Variants in PALD1 observed in about 807,000 individuals in gnomAD.
The protein encoded by PALD1 is phosphatase domain containing paladin 1.
In PALD1, 57 loss-of-function variants were observed where a neutral mutation model predicts 96.0. The observed-to-expected ratio is 0.59, with a 90% CI of 0.48 to 0.74. PALD1 has a LOEUF of 0.74. Among genes scored for constraint, PALD1 ranks in the 30% least tolerant of loss-of-function variants. PALD1 has a pLI of 0.00. For missense variants in PALD1, 1,063 were observed against 1,143.7 expected, an observed-to-expected ratio of 0.93 and a Z score of 1.02; for synonymous variants, 464 against 473.6, an observed-to-expected ratio of 0.98 and a Z score of 0.26.
chr10:70,538,759 G>A (rs1847167436), intron 12 of PALD1, 133 bp from the exon 13 acceptor site: 5 of 745,630 alleles, frequency 6.7e-6, no homozygotes, highest in Non-Finnish European at 1.2e-5. Context: ...GAAGCTCCAA[G>A]TGTGCAGGAG....
At chr10:70,482,764 C>A (rs574702637) in intron 1 of PALD1, among the ~76,000 whole-genome samples, 50 of 152,270 alleles carry the variant, frequency 3.3e-4, no homozygotes, top group African/African-American at 9.9e-4. Context: ...CCTCAAGTCC[C>A]TTGTGTAACA....
rs1231693841 is a variant in PALD1, at chr10:70,529,996, G to A, written c.396G>A (p.Val132=). Residue 132 remains valine, a synonymous_variant, in exon 4 of 20, where the codon GTG becomes GTA. Coordinates refer to ENST00000263563, the MANE Select transcript of PALD1 (RefSeq NM_014431.3). The part of the protein sequence containing the change: ...NFRQVQGGLT[V]FGMGQPSLSG... ...GGCAGGTGCAGGGTGGGCTCACTGT[G>A]TTCGGCATGGGACAGCCCAGCCTCT... The A allele has an allele frequency of 3.1e-6, 5 of 1,606,624 alleles. No homozygotes were observed. Among genetic ancestry groups the A allele is most frequent in the Non-Finnish European group, 3.4e-6 (4 of 1,176,762 alleles).
chr10:70,507,269 G>A lies in PALD1; in HGVS notation c.-29-18654G>A, dbSNP rs1044479921. Among the ~76,000 whole-genome samples, 10 of 150,190 alleles carry A rather than the reference G, an allele frequency of 6.7e-5. No homozygotes were observed. In the East Asian group the frequency reaches 7.8e-4, roughly 12 times the overall value. On this transcript the variant is annotated intron_variant, in intron 1 of 19. Transcript: ENST00000263563. ...ATACAAAAAAAAAAAAAAATTAGCCGGGCATGGTGGCGGGTGCCTATAATC... is the reference window on the plus strand; with the variant it reads ...ATACAAAAAAAAAAAAAAATTAGCCAGGCATGGTGGCGGGTGCCTATAATC...
chr10:70,534,525 G>C lies in PALD1; in HGVS notation c.1122+1G>C. ...CCAGGGAAGGAGGATGGTGGAAGAG[G>C]TGAGTGAGGGACAGCAAAGGGCTGG... is the stretch of plus-strand genomic sequence containing the variant. On this transcript the variant is annotated splice_donor_variant, in intron 9 of 19. Transcript: ENST00000263563. LOFTEE classifies it high-confidence loss of function. The C allele has an allele frequency of 6.2e-7, 1 of 1,605,670 alleles. No homozygotes were observed.
intron 10 of PALD1, among the ~76,000 whole-genome samples, chr10:70,535,071 T>A (rs1434562414): frequency 1.3e-5 from 2 of 152,184 alleles, no homozygotes; most frequent in Non-Finnish European, 2.9e-5. Context: ...AGCTGCAGAA[T>A]AAACAGGACA....
chr10:70,486,722 C>T (rs560343143), intron 1 of PALD1, among the ~76,000 whole-genome samples: 134 of 152,270 alleles, frequency 8.8e-4, no homozygotes, highest in Non-Finnish European at 1.6e-3. Flanking sequence ...GGTTGCGCCA[C>T]TGCACCCCAG....
intron 1 of PALD1, among the ~76,000 whole-genome samples, chr10:70,518,123 G>A (rs560368620): frequency 2.0e-5 from 3 of 152,082 alleles, no homozygotes; most frequent in African/African-American, 4.8e-5. Flanking sequence ...GGCTGGTCTC[G>A]AACTCCCAAC....
At position 70,565,728 on chromosome 10, in the gene PALD1, C is replaced by T. The variant is rs769403907; in HGVS notation, c.2419-853C>T. ...TGATGGGGTCACACCAAGGCCATGTCGGGGTGCCTTCTTGAGCAGGCCTGG... is the reference window on the plus strand; with the variant it reads ...TGATGGGGTCACACCAAGGCCATGTTGGGGTGCCTTCTTGAGCAGGCCTGG... On this transcript the variant is annotated intron_variant, in intron 19 of 19. Transcript: ENST00000263563. 5.3e-5 allele frequency among the ~76,000 whole-genome samples: 8 copies of T among 152,136 alleles called. No homozygotes were observed. In the East Asian group the frequency reaches 7.7e-4, roughly 15 times the overall value.
Position 70,478,890 on chromosome 10 carries a change from C to G in PALD1, c.-199C>G, listed in dbSNP as rs1273557665. On this transcript the variant is annotated 5_prime_UTR_variant, in exon 1 of 20. Coordinates refer to ENST00000263563, the MANE Select transcript of PALD1 (RefSeq NM_014431.3). ...TCGCCGGGTCCGCCTGGCCTGCCCACCTCCGGAGCCACCTCTGCCCCCGCA... is the reference window on the plus strand; with the variant it reads ...TCGCCGGGTCCGCCTGGCCTGCCCAGCTCCGGAGCCACCTCTGCCCCCGCA... 1 of 152,108 alleles carries G rather than the reference C, an allele frequency of 6.6e-6. No individual in the cohort carries two copies. The highest frequency in any genetic ancestry group is 1.9e-4 in the East Asian group (1 of 5,154). The allele number at this position is 152,108 out of a possible 1,614,324, so 9.4% of individuals were successfully genotyped here. A position where few individuals can be genotyped will look rare whatever the true frequency, so the allele number is the denominator to read the frequency against.
chr10:70,542,985 C>G (rs1427941489), intron 17 of PALD1, among the ~76,000 whole-genome samples: 1 of 151,100 alleles, frequency 6.6e-6, no homozygotes, highest in African/African-American at 2.4e-5. Flanking sequence ...GTTGGCCAGG[C>G]TGGTCTCGAA....
chr10:70,552,953 A>C (rs138298730), intron 18 of PALD1, among the ~76,000 whole-genome samples: 52 of 152,176 alleles, frequency 3.4e-4, no homozygotes, highest in African/African-American at 1.3e-3. Flanking sequence ...CCTGGAGCTA[A>C]TTTTCCTAGT....
At chr10:70,487,235 G>A (rs1049210680) in intron 1 of PALD1, among the ~76,000 whole-genome samples, 10 of 147,576 alleles carry the variant, frequency 6.8e-5, no homozygotes, top group African/African-American at 1.0e-4. Flanking sequence ...CCAGGTTCAC[G>A]TCATTCTCCT....
At chr10:70,466,143 A>C in the PALD1 span, among the ~76,000 whole-genome samples, 1 of 152,080 alleles carries the variant, frequency 6.6e-6, no homozygotes, top group South Asian at 2.1e-4. Context: ...CTTTGTGAGG[A>C]GGCCTTTTGT....
chr10:70,539,744 C>T lies in PALD1; in HGVS notation c.1890C>T (p.Phe630=). Reference sequence around the variant, plus strand: ...ACCACCGCATCCCCATGCCGGACTTCTGTGCCCCCCGAGAGGAGGTGAGGG... The same window carrying T: ...ACCACCGCATCCCCATGCCGGACTTTTGTGCCCCCCGAGAGGAGGTGAGGG... ...LTYHRIPMPD[F]CAPREEDFDQ... The change falls in exon 15 of 20, where the codon TTC becomes TTT. Residue 630 remains phenylalanine, a synonymous_variant. Transcript: ENST00000263563. This position sits in a 1 kb window ranked among gnomAD's most constrained non-coding sequence, Gnocchi z 4.5. 1 of 1,611,482 alleles carries T rather than the reference C, an allele frequency of 6.2e-7. No individual in the cohort carries two copies. The highest frequency in any genetic ancestry group is 8.5e-7 in the Non-Finnish European group (1 of 1,179,330).
At chr10:70,545,490 G>C (rs1037051136) in intron 17 of PALD1, among the ~76,000 whole-genome samples, 1 of 151,980 alleles carries the variant, frequency 6.6e-6, no homozygotes, top group Non-Finnish European at 1.5e-5. Context: ...ATTTGGAGGG[G>C]AACTCAGCAC....
the PALD1 span, among the ~76,000 whole-genome samples, chr10:70,465,930 T>C: frequency 6.6e-6 from 1 of 152,192 alleles, no homozygotes. Flanking sequence ...AGGTACTCCC[T>C]CTCTGGCTCC....
intron 1 of PALD1, among the ~76,000 whole-genome samples, chr10:70,521,823 G>T (rs1479154483): frequency 1.3e-5 from 2 of 151,900 alleles, no homozygotes; most frequent in Admixed American, 1.3e-4. Flanking sequence ...CATGAAGCAA[G>T]CGCAGCTGGT....
chr10:70,518,052 C>A (rs1173898109), intron 1 of PALD1, among the ~76,000 whole-genome samples: 1 of 151,978 alleles, frequency 6.6e-6, no homozygotes, highest in African/African-American at 2.4e-5. Flanking sequence ...TACAGGCATG[C>A]GCCATCACGC....
upstream of PALD1, among the ~76,000 whole-genome samples, chr10:70,473,944 TACCC>T (rs1845792537): frequency 6.6e-6 from 1 of 151,974 alleles, no homozygotes; most frequent in African/African-American, 2.4e-5. Flanking sequence ...TGAGCCACAG[TACCC>T]GGCCTGACTG....
Sources: allele counts gnomAD v4.1 joint callset (sites outside exome capture counted in the v4.1 genomes callset), GRCh38; gene constraint gnomAD v4.1.1; non-coding constraint Gnocchi (gnomAD v3.1); transcripts MANE v1.5; gene names NCBI Gene and HGNC (gene_info 2026-07-23, HGNC 2026-07-21).